GPR158: variants seen among roughly 807,000 people sequenced by gnomAD.
GPR158 encodes the protein G protein-coupled receptor 158, also known as metabotropic glycine receptor.
A neutral mutation model predicts 78.2 loss-of-function variants in GPR158; 30 were observed. The ratio of observed to expected loss-of-function variants is 0.38; its 90% confidence interval spans 0.29 to 0.52. The LOEUF is 0.52. GPR158 is among the 20% of genes least tolerant of loss of function. The pLI is 0.83. For missense variants in GPR158, 1,463 were observed against 1,523.5 expected, an observed-to-expected ratio of 0.96 and a Z score of 0.66; for synonymous variants, 581 against 591.1, an observed-to-expected ratio of 0.98 and a Z score of 0.25.
At position 25,310,642 on chromosome 10, in the gene GPR158, A is replaced by T. The variant is rs375841615; in HGVS notation, c.1009-85269A>T. The stretch of plus-strand genomic sequence containing the variant: ...TATTTATTAGGGGTGTTTGTATTTT[A>T]TCTGTGAGAAAGTTGCAAATCTTTT... On this transcript the variant is annotated intron_variant, in intron 2 of 10. Coordinates refer to ENST00000376351, the MANE Select transcript of GPR158 (RefSeq NM_020752.3). 2.6e-5 allele frequency among the ~76,000 whole-genome samples: 4 copies of T among 151,888 alleles called. No individual in the cohort carries two copies. In the East Asian group the frequency reaches 7.7e-4, roughly 29 times the overall value.
intron 2 of GPR158, among the ~76,000 whole-genome samples, chr10:25,390,035 G>T (rs11014521): frequency 0.01 from 1,561 of 152,204 alleles, 27 homozygotes; most frequent in African/African-American, 0.036. Context: ...GTTCCTCTTC[G>T]CATGCTCTCT....
chr10:25,217,761 G>A (rs528759851), intron 1 of GPR158, among the ~76,000 whole-genome samples: 2 of 152,294 alleles, frequency 1.3e-5, no homozygotes, highest in East Asian at 3.9e-4. Context: ...TCCTGCTTCG[G>A]GCTTGTTGTT....
At chr10:25,412,582 T>C (rs1834607218) in intron 4 of GPR158, 109 bp downstream of exon 4, 1 of 708,324 alleles carries the variant, frequency 1.4e-6, no homozygotes, top group South Asian at 1.7e-5. Flanking sequence ...GCAGCAGTCT[T>C]TCTACAATAT....
chr10:25,543,460 C>T (rs1201090570), intron 5 of GPR158, among the ~76,000 whole-genome samples: 1 of 152,144 alleles, frequency 6.6e-6, no homozygotes, highest in South Asian at 2.1e-4. Flanking sequence ...GAGTATCCTA[C>T]CACTAAGATC....
intron 2 of GPR158, among the ~76,000 whole-genome samples, chr10:25,365,069 A>C (rs758338854): frequency 6.8e-6 from 1 of 147,292 alleles, no homozygotes. Context: ...ATATTTATTT[A>C]AAATTTTTTC....
At chr10:25,430,601 A>G (rs1834888368) in intron 4 of GPR158, among the ~76,000 whole-genome samples, 1 of 151,230 alleles carries the variant, frequency 6.6e-6, no homozygotes, top group African/African-American at 2.4e-5. Context: ...ATGCTACCTA[A>G]CTTCAAACTA....
In GPR158 at chr10:25,491,471, A is replaced by G. The variant is rs1428116063; in HGVS notation, c.1404+24752A>G. Reference sequence around the variant, plus strand: ...TGAAGTATAAGCCTTTGTTTAAGTCACTAGGATTTCAGAGTTCATTTGTTT... The same window carrying G: ...TGAAGTATAAGCCTTTGTTTAAGTCGCTAGGATTTCAGAGTTCATTTGTTT... On this transcript the variant is annotated intron_variant, in intron 5 of 10. Coordinates refer to ENST00000376351, the MANE Select transcript of GPR158 (RefSeq NM_020752.3). 2.0e-5 allele frequency among the ~76,000 whole-genome samples: 3 copies of G among 152,226 alleles called. No individual in the cohort carries two copies. In the East Asian group the frequency reaches 5.8e-4, roughly 29 times the overall value.
At chr10:25,514,785 T>C (rs763693711) in intron 5 of GPR158, among the ~76,000 whole-genome samples, 150 of 152,284 alleles carry the variant, frequency 9.9e-4, no homozygotes, top group Non-Finnish European at 4.9e-4. Context: ...TTTGTTTTGC[T>C]GGATACAAAA....
intron 2 of GPR158, among the ~76,000 whole-genome samples, chr10:25,365,438 A>G (rs772360884): frequency 1.2e-3 from 178 of 151,826 alleles, no homozygotes; most frequent in Non-Finnish European, 1.7e-3. Flanking sequence ...AAACCCTGCA[A>G]AATTTCACTG....
chr10:25,523,542 A>G (rs1032477613), intron 5 of GPR158, among the ~76,000 whole-genome samples: 1 of 152,174 alleles, frequency 6.6e-6, no homozygotes, highest in African/African-American at 2.4e-5. Flanking sequence ...AAAATCAGAC[A>G]TAGGTTTTGG....
At chr10:25,576,459 C>T (rs1837098384) in intron 7 of GPR158, among the ~76,000 whole-genome samples, 1 of 152,154 alleles carries the variant, frequency 6.6e-6, no homozygotes, top group Admixed American at 6.5e-5. Flanking sequence ...AACTTACTTA[C>T]CAGGCAGCAC....
chr10:25,556,800 C>A (rs930371406), intron 6 of GPR158, among the ~76,000 whole-genome samples: 2 of 152,178 alleles, frequency 1.3e-5, no homozygotes, highest in Non-Finnish European at 2.9e-5. Flanking sequence ...AACAGCCAAA[C>A]ATCTTAAAGA....
intron 2 of GPR158, among the ~76,000 whole-genome samples, chr10:25,380,495 T>C (rs1834139432): frequency 1.3e-5 from 2 of 152,210 alleles, no homozygotes; most frequent in Admixed American, 6.5e-5. Flanking sequence ...TTTTTAGTAT[T>C]ACAATTAGTA....
chr10:25,286,759 A>C (rs1203185537), intron 2 of GPR158, among the ~76,000 whole-genome samples: 1 of 152,062 alleles, frequency 6.6e-6, no homozygotes, highest in Non-Finnish European at 1.5e-5. Context: ...ATTTCATTCA[A>C]TATGGACAGG....
chr10:25,179,572 G>T (rs534528798), intron 1 of GPR158, among the ~76,000 whole-genome samples: 16 of 152,000 alleles, frequency 1.1e-4, no homozygotes, highest in Middle Eastern at 6.8e-3. Flanking sequence ...TTCTTATATT[G>T]CTGTTTATCA....
At chr10:25,201,727 T>A (rs1383333286) in intron 1 of GPR158, among the ~76,000 whole-genome samples, 1 of 152,164 alleles carries the variant, frequency 6.6e-6, no homozygotes, top group East Asian at 1.9e-4. Flanking sequence ...TCTGCCTCTA[T>A]TGAGATGATC....
At chr10:25,244,920 C>T (rs1853669805) in intron 2 of GPR158, 1 of 151,590 alleles carries the variant, frequency 6.6e-6, no homozygotes, top group Non-Finnish European at 1.5e-5. Context: ...TTTATTTAAC[C>T]AGAGGTGCAT....
intron 2 of GPR158, among the ~76,000 whole-genome samples, chr10:25,223,589 T>TA (rs1853331556): frequency 6.6e-6 from 1 of 152,202 alleles, no homozygotes; most frequent in South Asian, 2.1e-4. Context: ...TCTGGAGGTT[T>TA]TTACTGCTTG....
chr10:25,398,557 T>C (rs1378774641), intron 3 of GPR158, among the ~76,000 whole-genome samples: 1 of 152,242 alleles, frequency 6.6e-6, no homozygotes, highest in Non-Finnish European at 1.5e-5. Flanking sequence ...AGAATGACTA[T>C]GCCATTTGCT....
Sources: allele counts gnomAD v4.1 joint callset (sites outside exome capture counted in the v4.1 genomes callset), GRCh38; gene constraint gnomAD v4.1.1; transcripts MANE v1.5; gene names NCBI Gene and HGNC (gene_info 2026-07-23, HGNC 2026-07-21).